The following UMODL1 variants were observed in gnomAD, a reference collection of about 807,000 sequenced individuals.
UMODL1 encodes uromodulin-like 1.
UMODL1 carries 128 observed loss-of-function variants against 136.3 expected under a neutral mutation model. That is an observed-to-expected ratio of 0.94 (90% CI 0.81 to 1.09). The LOEUF (loss-of-function observed/expected upper bound fraction) is 1.09, where lower values mean the gene tolerates loss of function less well. UMODL1 is among the 50% of genes least tolerant of loss of function. The pLI is 0.00. For missense variants in UMODL1, 1,766 were observed against 1,725.6 expected (o/e 1.02, Z -0.41); for synonymous variants, 721 against 720.0 (o/e 1.00, Z -0.02).
intron 19 of UMODL1, 111 bp downstream of exon 19, chr21:42,127,353 T>C: frequency 1.9e-6 from 2 of 1,062,430 alleles, no homozygotes; most frequent in South Asian, 2.8e-5. Context: ...CAGGGCTTCA[T>C]TAACAATAGG....
At chr21:42,126,553 AG>A in intron 18 of UMODL1, 63 bp downstream of exon 18, 5 of 1,609,944 alleles carry the variant, frequency 3.1e-6, no homozygotes, top group Non-Finnish European at 4.2e-6. Context: ...GCGCTTTGAG[AG>A]TTCTTTAGGG....
At chr21:42,137,298 C>T (rs1228958413) in intron 21 of UMODL1, 141 bp from the exon 22 acceptor site, 3 of 1,070,706 alleles carry the variant, frequency 2.8e-6, no homozygotes, top group Non-Finnish European at 4.1e-6. Context: ...CTTTGGTAAC[C>T]CACAGGCACA....
At chr21:42,111,324 G>A (rs1244242594) in intron 11 of UMODL1, 182 bp from the exon 12 acceptor site, 2 of 1,462,902 alleles carry the variant, frequency 1.4e-6, no homozygotes, top group Non-Finnish European at 1.8e-6. Flanking sequence ...TCCAGCCAGG[G>A]GAGCCCCAGC....
intron 9 of UMODL1, among the ~76,000 whole-genome samples, chr21:42,109,137 A>AGCTGGACCCCACCCCCCC (rs2066778049): frequency 2.2e-5 from 2 of 90,568 alleles, no homozygotes; most frequent in African/African-American, 8.7e-5. Flanking sequence ...CCCACCCCCC[A>AGCTGGACCCCACCCCCCC]TGCGGAAAGT....
chr21:42,091,438 C>T (rs1405466813), intron 6 of UMODL1, among the ~76,000 whole-genome samples: 4 of 152,136 alleles, frequency 2.6e-5, no homozygotes, highest in African/African-American at 7.2e-5. Context: ...GACTGGCACA[C>T]GGGATTGGCT....
chr21:42,082,480 T>C (rs1270773759), intron 2 of UMODL1, among the ~76,000 whole-genome samples: 1 of 152,150 alleles, frequency 6.6e-6, no homozygotes, highest in East Asian at 1.9e-4. Flanking sequence ...AAGCTTGCCA[T>C]GTATCTGGGC....
Position 42,110,921 on chromosome 21 carries a change from A to G in UMODL1, c.1699A>G (p.Thr567Ala), listed in dbSNP as rs1211277185. 1.4e-5 allele frequency: 23 copies of G among 1,612,474 alleles called. No individual in the cohort carries two copies. The highest frequency in any genetic ancestry group is 1.9e-5 in the Non-Finnish European group (23 of 1,179,676). The stretch of plus-strand genomic sequence containing the variant: ...CATGGGCGGTGGACTGTCTGCGGCA[A>G]CAGGGGTAACGGTCCCAGGTCTTGG... ...SPMGGGLSAA[T>A]GVTVPGLGTG... is the part of the protein sequence containing the mutation. The change falls in exon 11 of 23, where the codon ACA becomes GCA. Residue 567 changes from threonine to alanine, a missense_variant. Thr to Ala is a moderately conservative substitution (Grantham distance 58). Coordinates refer to ENST00000408910, the MANE Select transcript of UMODL1 (RefSeq NM_001004416.3).
In UMODL1 at chr21:42,142,971, A is replaced by G. The variant is rs2067302683; in HGVS notation, c.*897A>G. 1 of 152,250 alleles carries G rather than the reference A, an allele frequency of 6.6e-6. No individual in the cohort carries two copies. Among genetic ancestry groups the G allele is most frequent in the Non-Finnish European group, 1.5e-5 (1 of 68,048 alleles). The allele number at this position is 152,250 out of a possible 1,614,324, so 9.4% of individuals were successfully genotyped here. A position where few individuals can be genotyped will look rare whatever the true frequency, so the allele number is the denominator to read the frequency against. On this transcript the variant is annotated 3_prime_UTR_variant, in exon 23 of 23. Transcript: ENST00000408910. The stretch of plus-strand genomic sequence containing the variant: ...TAATGCTCTGTACTTCATTTGAAAT[A>G]AACTGGAATTGTATTAGATAGCTCA...
chr21:42,109,733 A>C, intron 10 of UMODL1, 34 bp downstream of exon 10: 1 of 1,590,930 alleles, frequency 6.3e-7, no homozygotes, highest in Non-Finnish European at 8.5e-7. Flanking sequence ...CTCTGGGAAG[A>C]CCCCCTGCCC....
chr21:42,094,498 C>T (rs112521967), intron 6 of UMODL1, among the ~76,000 whole-genome samples: 11 of 152,092 alleles, frequency 7.2e-5, no homozygotes, highest in African/African-American at 2.4e-4. Flanking sequence ...TTAGATTATC[C>T]GCATTGCCGT....
At chr21:42,128,113 C>A in intron 20 of UMODL1, 1 of 556,020 alleles carries the variant, frequency 1.8e-6, no homozygotes, top group Non-Finnish European at 3.4e-6. Context: ...GTCGCGTCAG[C>A]ACTGCCTTGC....
chr21:42,072,043 C>CCAAACAAA (rs56367687), intron 1 of UMODL1, among the ~76,000 whole-genome samples: 4,117 of 148,992 alleles, frequency 0.028, 207 homozygotes, highest in African/African-American at 0.094. Flanking sequence ...GCAAAAGCCC[C>CCAAACAAA]CAAACAAACA....
chr21:42,129,282 G>T (rs1194717680), intron 20 of UMODL1, among the ~76,000 whole-genome samples: 5 of 152,152 alleles, frequency 3.3e-5, no homozygotes, highest in Admixed American at 3.3e-4. Context: ...CTAGTGAGCA[G>T]ATCCCACCAT....
Position 42,127,258 on chromosome 21 carries a change from G to A in UMODL1, c.3530+16G>A, listed in dbSNP as rs1324139030. The A allele has an allele frequency of 1.9e-6, 3 of 1,607,932 alleles. No individual in the cohort carries two copies. Among genetic ancestry groups the A allele is most frequent in the Admixed American group, 3.3e-5 (2 of 60,012 alleles). On this transcript the variant is annotated intron_variant, in intron 19 of 22. Transcript: ENST00000408910. ...TTAACAACAGGTAGGGCTCAGGAGT[G>A]CAGGCACCCCCATCCAGCAATGCCT...
intron 13 of UMODL1, among the ~76,000 whole-genome samples, chr21:42,115,014 C>T (rs887159060): frequency 1.9e-4 from 29 of 152,322 alleles, no homozygotes; most frequent in African/African-American, 5.5e-4. Flanking sequence ...ATCTCAAGGA[C>T]GTAGAGTTTG....
chr21:42,113,528 G>A, intron 12 of UMODL1, 45 bp from the exon 13 acceptor site: 1 of 1,580,902 alleles, frequency 6.3e-7, no homozygotes, highest in Non-Finnish European at 8.6e-7. Flanking sequence ...TTTTCTCCTA[G>A]AAATGGCTTG....
chr21:42,124,147 C>CT (rs146424265), intron 17 of UMODL1, among the ~76,000 whole-genome samples: 3,558 of 152,332 alleles, frequency 0.023, 134 homozygotes, highest in African/African-American at 0.081. Context: ...CATGCAGGCC[C>CT]TTGTTCGTCT....
At position 42,122,139 on chromosome 21, in the gene UMODL1, A is replaced by G. The variant is rs958535227; in HGVS notation, c.2828-692A>G. Among the ~76,000 whole-genome samples, 2 of 152,134 alleles carry G rather than the reference A, an allele frequency of 1.3e-5. No homozygotes were observed. The highest frequency in any genetic ancestry group is 2.9e-5 in the Non-Finnish European group (2 of 68,018). ...GGCTGGGCAAGCCCCACTCTGAGAT[A>G]AAAGAAGGCACAAACCAGGCCCACA... On this transcript the variant is annotated intron_variant, in intron 16 of 22. Transcript: ENST00000408910. This position sits in a 1 kb window ranked among gnomAD's most constrained non-coding sequence, Gnocchi z 4.3.
At chr21:42,115,295 C>T (rs753034223) in intron 13 of UMODL1, among the ~76,000 whole-genome samples, 50 of 152,170 alleles carry the variant, frequency 3.3e-4, no homozygotes, top group Non-Finnish European at 4.7e-4. Context: ...AAGCCCTCTG[C>T]GGAGGGAAAA....
Sources: gnomAD v4.1 joint callset for allele counts (sites outside exome capture counted in the v4.1 genomes callset) on GRCh38, gnomAD v4.1.1 for gene constraint, Gnocchi (gnomAD v3.1) non-coding constraint, MANE v1.5 for transcripts, NCBI Gene and HGNC (gene_info 2026-07-23, HGNC 2026-07-21) for gene names.